Variants in SV2C observed in about 807,000 individuals in gnomAD.
SV2C encodes the protein solute carrier family 22 member B3.
In SV2C, 49 loss-of-function variants were observed where a neutral mutation model predicts 79.7. That is an observed-to-expected ratio of 0.61 (90% confidence interval 0.49 to 0.78). The LOEUF (loss-of-function observed/expected upper bound fraction) is 0.78, where lower values mean the gene tolerates loss of function less well. Among genes scored for constraint, SV2C ranks in the 30% least tolerant of loss-of-function variants. The pLI is 0.00. For synonymous variants in SV2C, 334 were observed against 333.2 expected (o/e 1.00, Z -0.03); for missense variants, 833 against 912.9 (o/e 0.91, Z 1.13).
the SV2C span, among the ~76,000 whole-genome samples, chr5:75,979,249 T>G: frequency 6.6e-6 from 1 of 152,064 alleles, no homozygotes; most frequent in African/African-American, 2.4e-5. Flanking sequence ...CTTAGAGACC[T>G]TAAAGAGGGT....
the SV2C span, among the ~76,000 whole-genome samples, chr5:75,898,121 G>A: frequency 6.6e-6 from 1 of 152,160 alleles, no homozygotes; most frequent in African/African-American, 2.4e-5. Flanking sequence ...TAGGAGTAGT[G>A]AGAGAGGGCA....
chr5:75,857,200 G>A, the SV2C span, among the ~76,000 whole-genome samples: 13 of 151,974 alleles, frequency 8.6e-5, no homozygotes, highest in South Asian at 4.2e-4. Flanking sequence ...ATTGTGATCC[G>A]CCTGCCTCGG....
At chr5:75,943,632 C>A in the SV2C span, among the ~76,000 whole-genome samples, 1 of 152,132 alleles carries the variant, frequency 6.6e-6, no homozygotes, top group Admixed American at 6.6e-5. Context: ...GAAACGTGAG[C>A]AATAAGGAGA....
the SV2C span, among the ~76,000 whole-genome samples, chr5:76,047,034 T>C: frequency 6.6e-6 from 1 of 152,384 alleles, no homozygotes; most frequent in African/African-American, 2.4e-5. Context: ...ATCTGACTCA[T>C]GTTCTTCTTA....
intron 12 of SV2C, among the ~76,000 whole-genome samples, chr5:76,321,687 G>C (rs1256490130): frequency 3.3e-5 from 5 of 150,460 alleles, no homozygotes; most frequent in African/African-American, 4.9e-5. Flanking sequence ...GCTGCAGTGA[G>C]CCAAGATTCC....
intron 12 of SV2C, among the ~76,000 whole-genome samples, chr5:76,320,590 A>G (rs536924491): frequency 4.7e-4 from 71 of 151,776 alleles, no homozygotes; most frequent in Non-Finnish European, 9.1e-4. Context: ...ATCTATTCAT[A>G]TTTCTAAAAA....
chr5:76,028,758 G>A, the SV2C span, among the ~76,000 whole-genome samples: 2 of 152,176 alleles, frequency 1.3e-5, no homozygotes, highest in Admixed American at 6.5e-5. Flanking sequence ...GGGCCAGGGA[G>A]GGAATTGTCC....
the SV2C span, among the ~76,000 whole-genome samples, chr5:76,047,786 G>A: frequency 5.1e-5 from 6 of 117,540 alleles, no homozygotes; most frequent in Admixed American, 9.5e-5. Flanking sequence ...TTTTTTTTGA[G>A]ACGGAGTCTT....
At chr5:76,178,945 C>T (rs1202153330) in intron 2 of SV2C, among the ~76,000 whole-genome samples, 9 of 152,262 alleles carry the variant, frequency 5.9e-5, no homozygotes, top group East Asian at 1.9e-4. Context: ...ATTAAATCAA[C>T]GAGGTTTTAC....
rs1368709046 is a variant in SV2C, at chr5:76,331,004, A to G, written c.*5457A>G. On this transcript the variant is annotated 3_prime_UTR_variant, in exon 13 of 13. Transcript: ENST00000502798. ...CCCAGGTAGCTGGGATTACAGGTGCATGCCACTATGTCCGGCTAATTTTTT... is the reference window on the plus strand; with the variant it reads ...CCCAGGTAGCTGGGATTACAGGTGCGTGCCACTATGTCCGGCTAATTTTTT... The G allele has an allele frequency of 1.3e-5, 2 of 152,096 alleles. No homozygotes were observed. The highest frequency in any genetic ancestry group is 4.8e-5 in the African/African-American group (2 of 41,394). 9.4% of individuals were successfully genotyped at this position (152,096 alleles called of 1,614,324 possible).
At chr5:75,966,779 A>T in the SV2C span, among the ~76,000 whole-genome samples, 2 of 152,078 alleles carry the variant, frequency 1.3e-5, no homozygotes, top group African/African-American at 4.8e-5. Flanking sequence ...TCACTCTTGA[A>T]TTCCTCCTGA....
chr5:75,932,295 T>C, the SV2C span, among the ~76,000 whole-genome samples: 2 of 152,310 alleles, frequency 1.3e-5, no homozygotes, highest in Admixed American at 6.5e-5. Context: ...CTGCAGAGCT[T>C]CACATGGGAT....
At chr5:75,859,645 C>A in the SV2C span, among the ~76,000 whole-genome samples, 2 of 152,070 alleles carry the variant, frequency 1.3e-5, no homozygotes, top group African/African-American at 4.8e-5. Flanking sequence ...TCTTTATGCC[C>A]CTAGAGCATA....
chr5:76,201,411 A>T (rs1744437597), intron 3 of SV2C, among the ~76,000 whole-genome samples: 1 of 152,240 alleles, frequency 6.6e-6, no homozygotes. Context: ...TGGCACTGCT[A>T]AGCAGGAAGG....
chr5:76,029,977 G>A, the SV2C span, among the ~76,000 whole-genome samples: 1 of 152,110 alleles, frequency 6.6e-6, no homozygotes, highest in African/African-American at 2.4e-5. Flanking sequence ...ATTGAATGGA[G>A]CCTTTCGATT....
At chr5:76,345,136 G>A (rs576137057) in intron 12 of SV2C, among the ~76,000 whole-genome samples, 2 of 152,314 alleles carry the variant, frequency 1.3e-5, no homozygotes, top group African/African-American at 4.8e-5. Flanking sequence ...CAGCATTCTG[G>A]TATTTAGAAT....
At chr5:76,078,789 G>A (rs570710452), upstream of SV2C, 129 of 586,182 alleles carry the variant, frequency 2.2e-4, no homozygotes, top group South Asian at 1.6e-3. Flanking sequence ...TGCACACCTG[G>A]CAGGTTAATG....
At chr5:75,892,078 G>A in the SV2C span, among the ~76,000 whole-genome samples, 1 of 151,916 alleles carries the variant, frequency 6.6e-6, no homozygotes, top group African/African-American at 2.4e-5. Flanking sequence ...CATAGCATTT[G>A]GTAATCTCTC....
the SV2C span, among the ~76,000 whole-genome samples, chr5:75,946,308 C>A: frequency 6.6e-6 from 1 of 152,076 alleles, no homozygotes; most frequent in African/African-American, 2.4e-5. Context: ...GTTTTAGCAT[C>A]ATTTTTGGAA....
Sources: allele counts gnomAD v4.1 joint callset (sites outside exome capture counted in the v4.1 genomes callset), GRCh38; gene constraint gnomAD v4.1.1; transcripts MANE v1.5; gene names NCBI Gene and HGNC (gene_info 2026-07-23, HGNC 2026-07-21).